Variants in TMPRSS11E observed in about 807,000 individuals in gnomAD.
TMPRSS11E encodes transmembrane protease serine 11E.
TMPRSS11E carries 38 observed loss-of-function variants against 48.1 expected under a neutral mutation model. The observed-to-expected ratio is 0.79, with a 90% CI of 0.61 to 1.04. The LOEUF (loss-of-function observed/expected upper bound fraction) is 1.04. Among genes scored for constraint, TMPRSS11E ranks in the 50% least tolerant of loss-of-function variants. The pLI, the probability that TMPRSS11E is intolerant of heterozygous loss-of-function variation, is 0.00. For missense variants in TMPRSS11E, 530 were observed against 510.8 expected, an observed-to-expected ratio of 1.04 and a Z score of -0.36; for synonymous variants, 158 against 171.9, an observed-to-expected ratio of 0.92 and a Z score of 0.63.
chr4:68,492,611 G>A (rs1729760706), intron 9 of TMPRSS11E, among the ~76,000 whole-genome samples: 1 of 152,178 alleles, frequency 6.6e-6, no homozygotes, highest in Admixed American at 6.5e-5. Flanking sequence ...TTAGTTATAA[G>A]TTTTAGCGGT....
At chr4:68,494,746 A>G (rs1452406523) in intron 9 of TMPRSS11E, among the ~76,000 whole-genome samples, 1 of 152,232 alleles carries the variant, frequency 6.6e-6, no homozygotes, top group Non-Finnish European at 1.5e-5. Context: ...TGCACAGTGT[A>G]GGCAGGCAAA....
rs573609531 is a variant in TMPRSS11E at position 68,460,917 on chromosome 4, A to G, written c.12-904A>G. On this transcript the variant is annotated intron_variant, in intron 1 of 9. Transcript: ENST00000305363. ...TTTTTTTAAGACGGAGTCTCGCTCT[A>G]CCGCCCAGGCTGGAGTGCAGTGGCC... Among the ~76,000 whole-genome samples the G allele has an allele frequency of 1.2e-4, 18 of 146,206 alleles. 1 individual carries two copies. The South Asian group carries it at 3.5e-3, about 28-fold the overall frequency.
chr4:68,447,968 A>C (rs1022388193), intron 1 of TMPRSS11E, among the ~76,000 whole-genome samples: 1 of 152,128 alleles, frequency 6.6e-6, no homozygotes, highest in African/African-American at 2.4e-5. Context: ...AAATTTAAAA[A>C]CTCTAGATGT....
intron 1 of TMPRSS11E, among the ~76,000 whole-genome samples, chr4:68,449,624 G>C (rs369757736): frequency 1.2e-4 from 18 of 151,718 alleles, no homozygotes; most frequent in African/African-American, 4.4e-4. Context: ...AAATTCTAAT[G>C]AATCTCTGGT....
In TMPRSS11E at chr4:68,497,335, TCAAGCAAAGA is replaced by T. The variant is rs1044629269; in HGVS notation, c.*534_*543del. ...AAATGATCATATTCATTATGAAAGG[TCAAGCAAAGA>T]CAGCAGAATACCAATCACTTCATCA... On this transcript the variant is annotated 3_prime_UTR_variant, in exon 10 of 10. Transcript: ENST00000305363. 1 of 152,076 alleles carries T rather than the reference TCAAGCAAAGA, an allele frequency of 6.6e-6. No individual in the cohort carries two copies. The highest frequency in any genetic ancestry group is 2.4e-5 in the African/African-American group (1 of 41,414). 9.4% of individuals were successfully genotyped at this position (152,076 alleles called of 1,614,324 possible).
intron 4 of TMPRSS11E, among the ~76,000 whole-genome samples, chr4:68,469,930 C>A (rs560684577): frequency 2.6e-5 from 4 of 152,044 alleles, no homozygotes; most frequent in African/African-American, 9.6e-5. Context: ...TCCACTAATT[C>A]TATTTTCCCA....
At chr4:68,472,017 G>T (rs1296794451) in intron 5 of TMPRSS11E, among the ~76,000 whole-genome samples, 1 of 151,786 alleles carries the variant, frequency 6.6e-6, no homozygotes, top group Non-Finnish European at 1.5e-5. Context: ...AATATACCTT[G>T]CTATACTTTC....
At chr4:68,486,639 T>C (rs919313064) in intron 9 of TMPRSS11E, among the ~76,000 whole-genome samples, 1 of 152,216 alleles carries the variant, frequency 6.6e-6, no homozygotes, top group Non-Finnish European at 1.5e-5. Context: ...GTTCTATAGA[T>C]ATCTCTTAGG....
intron 4 of TMPRSS11E, among the ~76,000 whole-genome samples, chr4:68,471,130 G>C (rs1248604926): frequency 6.6e-6 from 1 of 151,756 alleles, no homozygotes; most frequent in Non-Finnish European, 1.5e-5. Flanking sequence ...GTAAACAGTA[G>C]CAATATAGAA....
intron 9 of TMPRSS11E, among the ~76,000 whole-genome samples, chr4:68,486,629 G>T (rs186344002): frequency 6.6e-6 from 1 of 152,300 alleles, no homozygotes; most frequent in African/African-American, 2.4e-5. Context: ...TAGGTGGAGT[G>T]TTCTATAGAT....
At chr4:68,458,073 AAGTATAATTTTTC>A (rs1728683965) in intron 1 of TMPRSS11E, among the ~76,000 whole-genome samples, 1 of 152,064 alleles carries the variant, frequency 6.6e-6, no homozygotes, top group African/African-American at 2.4e-5. Flanking sequence ...CCAAAACTTA[AAGTATAATTTTTC>A]TTTTTTTAAA....
chr4:68,459,455 G>A (rs182698688), intron 1 of TMPRSS11E, among the ~76,000 whole-genome samples: 165 of 151,292 alleles, frequency 1.1e-3, no homozygotes, highest in Non-Finnish European at 2.1e-3. Flanking sequence ...TTTGTTATTC[G>A]GCTTCTTACT....
chr4:68,482,857 G>A (rs778973322), intron 9 of TMPRSS11E, among the ~76,000 whole-genome samples: 2 of 151,852 alleles, frequency 1.3e-5, no homozygotes, highest in Admixed American at 6.6e-5. Flanking sequence ...TTTCACTGTC[G>A]ATGTAACTAT....
chr4:68,453,608 A>C (rs1455128688), intron 1 of TMPRSS11E, among the ~76,000 whole-genome samples: 2 of 151,948 alleles, frequency 1.3e-5, no homozygotes, highest in African/African-American at 4.8e-5. Context: ...AGAATTAGTA[A>C]ATACACGTCT....
Position 68,467,318 on chromosome 4 carries a change from T to A in TMPRSS11E, c.258+566T>A, listed in dbSNP as rs544435908. ...AACTCTACCCTTAACGCATCAACAT[T>A]CATCTTGAGGGATCAATTAAATACT... On this transcript the variant is annotated intron_variant, in intron 3 of 9. Coordinates refer to ENST00000305363, the MANE Select transcript of TMPRSS11E (RefSeq NM_014058.4). Among the ~76,000 whole-genome samples the A allele has an allele frequency of 1.4e-4, 21 of 152,220 alleles. No individual in the cohort carries two copies. In the East Asian group the frequency reaches 3.9e-3, roughly 28 times the overall value.
At chr4:68,470,353 G>C (rs1729031289) in intron 4 of TMPRSS11E, among the ~76,000 whole-genome samples, 1 of 151,698 alleles carries the variant, frequency 6.6e-6, no homozygotes, top group African/African-American at 2.4e-5. Context: ...TGATGCAAAA[G>C]ATAAGAAGTT....
intron 1 of TMPRSS11E, among the ~76,000 whole-genome samples, chr4:68,450,563 C>T (rs532437436): frequency 6.6e-6 from 1 of 151,956 alleles, no homozygotes; most frequent in South Asian, 2.1e-4. Flanking sequence ...TAAACGCACA[C>T]ATATCCACAC....
intron 1 of TMPRSS11E, among the ~76,000 whole-genome samples, chr4:68,460,302 A>ATAATATTATCACT (rs1728753653): frequency 1.3e-5 from 2 of 152,178 alleles, no homozygotes; most frequent in Admixed American, 1.3e-4. Context: ...TCACTTCCTG[A>ATAATATTATCACT]TCCTATATCA....
intron 9 of TMPRSS11E, 46 bp from the exon 10 acceptor site, chr4:68,496,597 G>C: frequency 5.8e-6 from 9 of 1,565,004 alleles, no homozygotes; most frequent in Non-Finnish European, 7.8e-6. Context: ...CAATTCCTCT[G>C]TAATGAACTG....
Sources: allele counts gnomAD v4.1 joint callset (sites outside exome capture counted in the v4.1 genomes callset), GRCh38; gene constraint gnomAD v4.1.1; transcripts MANE v1.5; gene names NCBI Gene and HGNC (gene_info 2026-07-23, HGNC 2026-07-21).